The following TRIM31 variants were observed in gnomAD, a reference collection of about 807,000 sequenced individuals.
TRIM31 encodes the protein E3 ubiquitin-protein ligase TRIM31.
TRIM31 carries 31 observed loss-of-function variants against 40.6 expected under a neutral mutation model. That is an observed-to-expected ratio of 0.76 (90% CI 0.57 to 1.03). The LOEUF (loss-of-function observed/expected upper bound fraction) is 1.03. TRIM31 is among the 50% of genes least tolerant of loss of function. The probability of loss-of-function intolerance (pLI) is 0.00; values close to 1 mark genes in which losing one functional copy is unlikely to be tolerated. For missense variants in TRIM31, 455 were observed against 497.5 expected (o/e 0.91, Z 0.81); for synonymous variants, 164 against 193.9 (o/e 0.85, Z 1.28).
At chr6:30,111,942 A>G in intron 2 of TRIM31, 199 bp from the exon 3 acceptor site, 2 of 607,974 alleles carry the variant, frequency 3.3e-6, no homozygotes, top group African/African-American at 1.8e-5. Context: ...CTAAATGACC[A>G]GAACATAGTT....
In TRIM31 at chr6:30,106,471, G is replaced by C. The variant is rs141403982; in HGVS notation, c.884-1229C>G. ...CAGGGAGAACCAACCCTCATAATAA[G>C]AACTGTGGAGATTGGACCTGTGGTA... On this transcript the variant is annotated intron_variant, in intron 6 of 8. Transcript: ENST00000376734. Among the ~76,000 whole-genome samples the C allele has an allele frequency of 3.3e-3, 505 of 152,252 alleles. 3 individuals carry two copies. The highest frequency in any genetic ancestry group is 6.0e-3 in the Non-Finnish European group (411 of 68,016).
intron 6 of TRIM31, among the ~76,000 whole-genome samples, chr6:30,106,439 C>G (rs1003262204): frequency 4.6e-5 from 7 of 152,054 alleles, no homozygotes; most frequent in African/African-American, 1.4e-4. Context: ...GACCCAGTCA[C>G]CCCGAGCAGG....
rs142133221 is a variant in TRIM31, at chr6:30,108,801, T to C, written c.767+225A>G. 1,462 of 623,864 alleles carry C rather than the reference T, an allele frequency of 2.3e-3. 1 individual carries two copies. Among genetic ancestry groups the C allele is most frequent in the Non-Finnish European group, 3.0e-3 (1,040 of 346,118 alleles). 38.6% of individuals were successfully genotyped at this position (623,864 alleles called of 1,614,324 possible). The stretch of plus-strand genomic sequence containing the variant: ...ATTCAGGAAATAGTAGAATCTGTGC[T>C]GAAGAAGGAGGAAGGCTGAGAAAAC... On this transcript the variant is annotated intron_variant, in intron 5 of 8. Coordinates refer to ENST00000376734, the MANE Select transcript of TRIM31 (RefSeq NM_007028.5).
intron 4 of TRIM31, among the ~76,000 whole-genome samples, chr6:30,109,436 G>A (rs2127388974): frequency 6.6e-6 from 1 of 152,154 alleles, no homozygotes; most frequent in South Asian, 2.1e-4. Flanking sequence ...GACTTGAGGA[G>A]GAATCATCTC....
At chr6:30,111,621 G>A in intron 3 of TRIM31, 27 bp downstream of exon 3, 3 of 1,606,744 alleles carry the variant, frequency 1.9e-6, no homozygotes, top group Non-Finnish European at 2.6e-6. Context: ...TCTGCTTCCA[G>A]AGATCGTGGG....
chr6:30,104,840 G>C (rs912180809), intron 7 of TRIM31, among the ~76,000 whole-genome samples: 5 of 152,208 alleles, frequency 3.3e-5, no homozygotes, highest in African/African-American at 9.7e-5. Context: ...AGTTTGCCTC[G>C]AAACCTGCTG....
At chr6:30,104,916 T>C (rs1768530242) in intron 7 of TRIM31, among the ~76,000 whole-genome samples, 1 of 152,262 alleles carries the variant, frequency 6.6e-6, no homozygotes. Flanking sequence ...TTTTCCTCCC[T>C]GTCTCTAGGA....
chr6:30,107,107 A>G (rs1217482329), intron 6 of TRIM31, among the ~76,000 whole-genome samples: 8 of 151,196 alleles, frequency 5.3e-5, no homozygotes, highest in Non-Finnish European at 8.9e-5. Flanking sequence ...TCAAAAATAA[A>G]TAAATAAATA....
rs375802651 is a variant in TRIM31, at chr6:30,108,984, A to C, written c.767+42T>G. Reference sequence around the variant, plus strand: ...GATATACGCTGAGAATTGTGTGTGGATGAATCAGTAGGCAAAATACATTTG... The same window carrying C: ...GATATACGCTGAGAATTGTGTGTGGCTGAATCAGTAGGCAAAATACATTTG... On this transcript the variant is annotated intron_variant, in intron 5 of 8. Transcript: ENST00000376734. 2.9e-4 allele frequency: 460 copies of C among 1,606,532 alleles called. 39 individuals carry two copies. Among genetic ancestry groups the C allele is most frequent in the East Asian group, 2.0e-3 (89 of 44,862 alleles).
intron 6 of TRIM31, chr6:30,105,602 ATT>A (rs2127381818): frequency 6.2e-6 from 1 of 160,808 alleles, no homozygotes; most frequent in Admixed American, 6.4e-5. Context: ...TCAAAATGTT[ATT>A]TCAACATGTA....
In TRIM31 at chr6:30,109,008, TG is replaced by T. The variant is rs760240815; in HGVS notation, c.767+17del. 2 of 1,612,686 alleles carry T rather than the reference TG, an allele frequency of 1.2e-6. No homozygotes were observed. The highest frequency in any genetic ancestry group is 2.2e-5 in the South Asian group (2 of 91,072). Reference sequence around the variant, plus strand: ...GATGAATCAGTAGGCAAAATACATTTGGGGTGGCCCATCATACCTGCACAAG... The same window carrying T: ...GATGAATCAGTAGGCAAAATACATTTGGGTGGCCCATCATACCTGCACAAG... On this transcript the variant is annotated intron_variant, in intron 5 of 8. Coordinates refer to ENST00000376734, the MANE Select transcript of TRIM31 (RefSeq NM_007028.5).
In TRIM31 at chr6:30,104,168, C is replaced by G; in HGVS notation, c.959-1G>C. ...TGATTATTTTTCTGTAACAAGCCCC[C>G]TAAAAATTGGGGAGAGAAAACCTAT... On this transcript the variant is annotated splice_acceptor_variant, in intron 7 of 8. Transcript: ENST00000376734. LOFTEE classifies it high-confidence loss of function. 1 of 1,612,850 alleles carries G rather than the reference C, an allele frequency of 6.2e-7. No homozygotes were observed. The highest frequency in any genetic ancestry group is 8.5e-7 in the Non-Finnish European group (1 of 1,179,984).
At chr6:30,106,538 A>G (rs1268929953) in intron 6 of TRIM31, among the ~76,000 whole-genome samples, 1 of 152,116 alleles carries the variant, frequency 6.6e-6, no homozygotes, top group Non-Finnish European at 1.5e-5. Context: ...CTAGGCTTTA[A>G]TAGGGCCAGG....
intron 4 of TRIM31, among the ~76,000 whole-genome samples, chr6:30,110,132 T>A (rs1009524431): frequency 1.3e-5 from 2 of 152,104 alleles, no homozygotes; most frequent in African/African-American, 2.4e-5. Flanking sequence ...TTCAGATATA[T>A]TGAGTTAAAA....
intron 4 of TRIM31, among the ~76,000 whole-genome samples, chr6:30,109,631 A>G (rs1361888288): frequency 6.6e-6 from 1 of 152,218 alleles, no homozygotes; most frequent in Non-Finnish European, 1.5e-5. Context: ...CTGTAATCCC[A>G]GCACTTTGGG....
chr6:30,108,832 G>C (rs2127388028), intron 5 of TRIM31, 194 bp downstream of exon 5: 2 of 646,680 alleles, frequency 3.1e-6, no homozygotes, highest in East Asian at 5.4e-5. Flanking sequence ...AAAACAGCTG[G>C]TTTCTTTAAC....
intron 2 of TRIM31, chr6:30,111,946 C>G: frequency 1.6e-6 from 1 of 606,948 alleles, no homozygotes. Flanking sequence ...ATGACCAGAA[C>G]ATAGTTATTT....
In TRIM31 at chr6:30,103,502, T is replaced by G. The variant is rs1116222; in HGVS notation, c.*34A>C. On this transcript the variant is annotated 3_prime_UTR_variant, in exon 9 of 9. Transcript: ENST00000376734. Reference sequence around the variant, plus strand: ...GCCACTCTATGCTCCGAAGTCCGTGTAGCACCACCGCTCCCCGTGTTCTCT... The same window carrying G: ...GCCACTCTATGCTCCGAAGTCCGTGGAGCACCACCGCTCCCCGTGTTCTCT... 0.27 allele frequency: 439,268 copies of G among 1,611,018 alleles called. 62,140 individuals carry two copies. The highest frequency in any genetic ancestry group is 0.37 in the African/African-American group (27,403 of 74,786).
chr6:30,105,326 T>C lies in TRIM31; in HGVS notation c.884-84A>G, dbSNP rs1010654242. The C allele has an allele frequency of 5.8e-6, 6 of 1,028,046 alleles. No homozygotes were observed. In the African/African-American group the frequency reaches 6.4e-5, roughly 11 times the overall value. 63.7% of individuals were successfully genotyped at this position (1,028,046 alleles called of 1,614,324 possible). On this transcript the variant is annotated intron_variant, in intron 6 of 8. Coordinates refer to ENST00000376734, the MANE Select transcript of TRIM31 (RefSeq NM_007028.5). ...CACTATCACACAGCAAGGCACTAAT[T>C]TGAAATGCCTGGGAGAAGTAGAAGC...
Sources: gnomAD v4.1 joint callset for allele counts (sites outside exome capture counted in the v4.1 genomes callset) on GRCh38, gnomAD v4.1.1 for gene constraint, MANE v1.5 for transcripts, NCBI Gene and HGNC (gene_info 2026-07-23, HGNC 2026-07-21) for gene names.